The following MRPS28 variants were observed in gnomAD, a reference collection of about 807,000 sequenced individuals.
MRPS28 encodes the protein mitochondrial ribosomal protein S28.
A neutral mutation model predicts 10.8 loss-of-function variants in MRPS28; 7 were observed. The ratio of observed to expected loss-of-function variants is 0.65; its 90% CI spans 0.37 to 1.22. MRPS28 has a LOEUF of 1.22. Ranked by LOEUF, MRPS28 falls within the 50% of genes most tolerant of loss-of-function variation. The pLI, the probability that MRPS28 is intolerant of heterozygous loss-of-function variation, is 0.02. For synonymous variants in MRPS28, 121 were observed against 93.3 expected, an observed-to-expected ratio of 1.30 and a Z score of -1.71; for missense variants, 265 against 232.9, an observed-to-expected ratio of 1.14 and a Z score of -0.90.
At chr8:79,997,173 C>G (rs1254977140) in intron 2 of MRPS28, among the ~76,000 whole-genome samples, 1 of 152,118 alleles carries the variant, frequency 6.6e-6, no homozygotes, top group East Asian at 1.9e-4. Flanking sequence ...AAAAAAATGT[C>G]TAAAAACAGG....
At chr8:79,919,885 T>G (rs551718151) in intron 2 of MRPS28, among the ~76,000 whole-genome samples, 79 of 152,072 alleles carry the variant, frequency 5.2e-4, no homozygotes, top group African/African-American at 1.6e-3. Flanking sequence ...GCCATGTTGG[T>G]GTGCTGCACC....
chr8:79,982,578 G>A (rs962679563), intron 2 of MRPS28, among the ~76,000 whole-genome samples: 9 of 152,170 alleles, frequency 5.9e-5, no homozygotes, highest in Non-Finnish European at 1.0e-4. Flanking sequence ...GCGCTTTTCC[G>A]ACGGTCTTAA....
At chr8:80,024,164 G>A (rs1397775573) in intron 1 of MRPS28, among the ~76,000 whole-genome samples, 1 of 151,962 alleles carries the variant, frequency 6.6e-6, no homozygotes, top group Admixed American at 6.6e-5. Flanking sequence ...AAGGGAGAGA[G>A]GTTGCAGTGA....
At chr8:79,941,482 A>C (rs938871012) in intron 2 of MRPS28, among the ~76,000 whole-genome samples, 14 of 152,186 alleles carry the variant, frequency 9.2e-5, no homozygotes, top group Admixed American at 6.5e-4. Flanking sequence ...TACTTAAATA[A>C]TTATTGATAA....
At chr8:79,932,336 C>T (rs1208141559) in intron 2 of MRPS28, among the ~76,000 whole-genome samples, 3 of 152,234 alleles carry the variant, frequency 2.0e-5, no homozygotes, top group Non-Finnish European at 4.4e-5. Flanking sequence ...TGAAGGAAGG[C>T]ATCTCTGAAG....
At chr8:80,029,716 G>A (rs1323175304) in intron 1 of MRPS28, 4 of 1,415,896 alleles carry the variant, frequency 2.8e-6, no homozygotes, top group South Asian at 1.2e-5. Context: ...AGCGTCCCAG[G>A]AATCGCCCTA....
chr8:79,984,894 G>A (rs924622040), intron 2 of MRPS28, among the ~76,000 whole-genome samples: 21 of 152,134 alleles, frequency 1.4e-4, no homozygotes, highest in Non-Finnish European at 2.6e-4. Context: ...AGGATACCCA[G>A]GAATTGAACT....
intron 2 of MRPS28, among the ~76,000 whole-genome samples, chr8:79,955,203 G>C (rs1336918138): frequency 1.3e-5 from 2 of 152,154 alleles, no homozygotes. Context: ...CCATTGCCCA[G>C]TTTTAGAACC....
intron 2 of MRPS28, among the ~76,000 whole-genome samples, chr8:79,962,902 A>C (rs1283277899): frequency 6.6e-6 from 1 of 152,146 alleles, no homozygotes; most frequent in Non-Finnish European, 1.5e-5. Context: ...ACTAGGAAGG[A>C]TAGGCCTTAT....
intron 2 of MRPS28, among the ~76,000 whole-genome samples, chr8:79,997,433 T>C (rs1393429819): frequency 6.6e-6 from 1 of 152,166 alleles, no homozygotes; most frequent in East Asian, 1.9e-4. Flanking sequence ...GCAAGGTCTG[T>C]GACTGCCAGG....
chr8:80,011,461 T>G (rs539911537), intron 1 of MRPS28, among the ~76,000 whole-genome samples: 1 of 151,600 alleles, frequency 6.6e-6, no homozygotes, highest in South Asian at 2.1e-4. Flanking sequence ...CAATTAAAAC[T>G]AAATGACAGG....
At chr8:79,969,535 A>T (rs1347895103) in intron 2 of MRPS28, among the ~76,000 whole-genome samples, 1 of 152,090 alleles carries the variant, frequency 6.6e-6, no homozygotes, top group African/African-American at 2.4e-5. Flanking sequence ...GAAATAGAAT[A>T]AAAACTTTTT....
intron 2 of MRPS28, among the ~76,000 whole-genome samples, chr8:79,944,701 C>CTTTTTTTTT (rs57397948): frequency 2.9e-5 from 4 of 137,626 alleles, no homozygotes; most frequent in South Asian, 2.2e-4. Context: ...TTTCTTTTTT[C>CTTTTTTTTT]TTTTTTTTTT....
At chr8:80,017,087 A>G (rs899736808) in intron 1 of MRPS28, among the ~76,000 whole-genome samples, 6 of 152,220 alleles carry the variant, frequency 3.9e-5, no homozygotes, top group Non-Finnish European at 8.8e-5. Flanking sequence ...AGGAATAGAA[A>G]TCATGCAATG....
chr8:79,961,026 G>C (rs1807360346), intron 2 of MRPS28, among the ~76,000 whole-genome samples: 1 of 152,066 alleles, frequency 6.6e-6, no homozygotes, highest in Admixed American at 6.6e-5. Flanking sequence ...TCTCTGTTGA[G>C]GCCGGCCTTC....
intron 2 of MRPS28, among the ~76,000 whole-genome samples, chr8:79,983,283 T>C (rs1424965705): frequency 6.6e-6 from 1 of 151,818 alleles, no homozygotes; most frequent in East Asian, 1.9e-4. Context: ...TACATCACCA[T>C]CATCAAAGAC....
At chr8:79,988,189 G>A (rs1390246169) in intron 2 of MRPS28, among the ~76,000 whole-genome samples, 8 of 146,068 alleles carry the variant, frequency 5.5e-5, no homozygotes, top group East Asian at 2.0e-4. Flanking sequence ...ACCAAACACC[G>A]CATATTCTCA....
chr8:79,935,003 G>C (rs1157452033), intron 2 of MRPS28, among the ~76,000 whole-genome samples: 1 of 152,184 alleles, frequency 6.6e-6, no homozygotes, highest in Non-Finnish European at 1.5e-5. Flanking sequence ...CCAAGTATGG[G>C]ACAGGCTCCA....
At chr8:79,936,296 T>C (rs1806603785) in intron 2 of MRPS28, among the ~76,000 whole-genome samples, 1 of 151,850 alleles carries the variant, frequency 6.6e-6, no homozygotes, top group Non-Finnish European at 1.5e-5. Flanking sequence ...GCCACTGTAC[T>C]CCAGCCTGGG....
Sources: gnomAD v4.1 joint callset for allele counts (sites outside exome capture counted in the v4.1 genomes callset) on GRCh38, gnomAD v4.1.1 for gene constraint, MANE v1.5 for transcripts, NCBI Gene and HGNC (gene_info 2026-07-23, HGNC 2026-07-21) for gene names.